LRMDA: variants seen among roughly 807,000 people sequenced by gnomAD.
LRMDA encodes leucine-rich melanocyte differentiation-associated protein.
In LRMDA, 18 loss-of-function variants were observed where a neutral mutation model predicts 29.8. The ratio of observed to expected loss-of-function variants is 0.60; its 90% CI spans 0.42 to 0.90. The LOEUF (loss-of-function observed/expected upper bound fraction) is 0.90. LRMDA is among the 40% of genes least tolerant of loss of function. The pLI, the probability that LRMDA is intolerant of heterozygous loss-of-function variation, is 0.00. For synonymous variants in LRMDA, 125 were observed against 109.4 expected (o/e 1.14, Z -0.89); for missense variants, 273 against 273.9 (o/e 1.00, Z 0.02).
chr10:76,454,999 A>G (rs1047580281), intron 6 of LRMDA, among the ~76,000 whole-genome samples: 3 of 152,206 alleles, frequency 2.0e-5, no homozygotes, highest in Non-Finnish European at 2.9e-5. Flanking sequence ...AGTTTGGAGC[A>G]TGACTTCCTC....
intron 6 of LRMDA, among the ~76,000 whole-genome samples, chr10:76,351,684 C>A (rs368814563): frequency 2.1e-4 from 32 of 151,018 alleles, no homozygotes; most frequent in African/African-American, 7.3e-4. Context: ...CAACAAGCCC[C>A]GGTGATTCTT....
intron 2 of LRMDA, among the ~76,000 whole-genome samples, chr10:75,615,455 C>G (rs1289078884): frequency 2.0e-5 from 3 of 152,076 alleles, no homozygotes; most frequent in African/African-American, 7.2e-5. Context: ...CAAATTGGTG[C>G]TCAAAAATTT....
chr10:76,488,842 C>G (rs1842806994), intron 6 of LRMDA, among the ~76,000 whole-genome samples: 1 of 151,776 alleles, frequency 6.6e-6, no homozygotes, highest in South Asian at 2.1e-4. Context: ...GAGATAGATC[C>G]TATTTGATCA....
At chr10:76,143,797 G>A (rs1175589057) in intron 5 of LRMDA, among the ~76,000 whole-genome samples, 2 of 152,134 alleles carry the variant, frequency 1.3e-5, no homozygotes, top group African/African-American at 4.8e-5. Flanking sequence ...TATTGCCTAG[G>A]TTTTCTTCTA....
intron 6 of LRMDA, among the ~76,000 whole-genome samples, chr10:76,382,524 G>A (rs1249380410): frequency 6.6e-6 from 1 of 152,244 alleles, no homozygotes; most frequent in Non-Finnish European, 1.5e-5. Flanking sequence ...CATTGTGAAT[G>A]AAGGGAGAGG....
At chr10:75,637,626 T>C (rs1283525648) in intron 2 of LRMDA, among the ~76,000 whole-genome samples, 4 of 152,234 alleles carry the variant, frequency 2.6e-5, no homozygotes, top group Non-Finnish European at 1.5e-5. Context: ...TTAGCCTTCC[T>C]TGGAAAATGT....
At chr10:75,517,394 TCTGCTTGAAGAGGTCCTTCA>T in intron 2 of LRMDA, among the ~76,000 whole-genome samples, 1 of 152,298 alleles carries the variant, frequency 6.6e-6, no homozygotes, top group Middle Eastern at 3.4e-3. Context: ...GGTTTGTAGT[TCTGCTTGAAGAGGTCCTTCA>T]CATCTCTTGT....
intron 5 of LRMDA, among the ~76,000 whole-genome samples, chr10:76,227,241 C>T (rs1360737071): frequency 1.3e-5 from 2 of 152,054 alleles, no homozygotes; most frequent in African/African-American, 2.4e-5. Context: ...CAAAGTCTAC[C>T]CAATAAGTAA....
chr10:75,985,260 C>A (rs1847244015), intron 2 of LRMDA, among the ~76,000 whole-genome samples: 1 of 152,184 alleles, frequency 6.6e-6, no homozygotes, highest in South Asian at 2.1e-4. Context: ...GAGATACCAA[C>A]CATGGCATCC....
At chr10:75,440,573 T>C (rs181470425) in intron 2 of LRMDA, among the ~76,000 whole-genome samples, 41 of 152,230 alleles carry the variant, frequency 2.7e-4, no homozygotes, top group Non-Finnish European at 4.9e-4. Flanking sequence ...TGGATCACCT[T>C]TGACCTTCTT....
At chr10:75,850,112 A>G (rs537145545) in intron 2 of LRMDA, among the ~76,000 whole-genome samples, 2 of 152,218 alleles carry the variant, frequency 1.3e-5, no homozygotes, top group Non-Finnish European at 2.9e-5. Context: ...TGGATAGTCT[A>G]TCCAGTTTAA....
At chr10:76,291,210 C>T (rs966381810) in intron 5 of LRMDA, among the ~76,000 whole-genome samples, 1 of 152,160 alleles carries the variant, frequency 6.6e-6, no homozygotes, top group Non-Finnish European at 1.5e-5. Flanking sequence ...GCTGTCTTCA[C>T]CCTCCCTCCT....
intron 2 of LRMDA, among the ~76,000 whole-genome samples, chr10:75,534,129 A>G (rs572479045): frequency 1.3e-5 from 2 of 152,206 alleles, no homozygotes; most frequent in Non-Finnish European, 2.9e-5. Context: ...CACATGTAGC[A>G]TAAGTTAGGT....
chr10:76,036,113 C>T lies in LRMDA; in HGVS notation c.237C>T (p.Thr79=), dbSNP rs755067051. 8.1e-6 allele frequency: 13 copies of T among 1,613,788 alleles called. No individual in the cohort carries two copies. The Admixed American group carries it at 8.3e-5, about 10-fold the overall frequency. The part of the protein sequence containing the change: ...LVLPGLPRLH[T]LTLNKNRITD... The stretch of plus-strand genomic sequence containing the variant: ...TGCCAGGGTTACCCAGACTGCATAC[C>T]TTAACCCTCAACAAGAACCGAATAT... Residue 79 remains threonine, a synonymous_variant, in exon 3 of 7, where the codon ACC becomes ACT. Coordinates refer to ENST00000611255, the MANE Select transcript of LRMDA (RefSeq NM_001305581.2).
intron 6 of LRMDA, among the ~76,000 whole-genome samples, chr10:76,420,106 A>G (rs1049767768): frequency 8.6e-5 from 13 of 151,728 alleles, no homozygotes; most frequent in African/African-American, 1.2e-4. Context: ...TGTTTTTTCT[A>G]TTCTTTGGAA....
intron 2 of LRMDA, among the ~76,000 whole-genome samples, chr10:75,765,834 G>T (rs994411701): frequency 2.7e-5 from 4 of 149,176 alleles, no homozygotes; most frequent in Admixed American, 6.8e-5. Context: ...AGCCGCTGGG[G>T]TGCCCACTGT....
At chr10:76,110,088 T>G (rs534660653) in intron 5 of LRMDA, among the ~76,000 whole-genome samples, 1 of 152,332 alleles carries the variant, frequency 6.6e-6, no homozygotes, top group South Asian at 2.1e-4. Flanking sequence ...CTCTGCCTTC[T>G]TGACATGTCT....
At chr10:76,382,891 C>T (rs976183819) in intron 6 of LRMDA, among the ~76,000 whole-genome samples, 4 of 152,186 alleles carry the variant, frequency 2.6e-5, no homozygotes, top group African/African-American at 9.7e-5. Flanking sequence ...ATCACTCTAC[C>T]CAGACTGTCA....
chr10:75,918,058 T>C (rs1845965138), intron 2 of LRMDA, among the ~76,000 whole-genome samples: 1 of 152,148 alleles, frequency 6.6e-6, no homozygotes, highest in Admixed American at 6.5e-5. Context: ...AGCAGGACTA[T>C]GAGAATCATC....
Sources: gnomAD v4.1 joint callset for allele counts (sites outside exome capture counted in the v4.1 genomes callset) on GRCh38, gnomAD v4.1.1 for gene constraint, MANE v1.5 for transcripts, NCBI Gene and HGNC (gene_info 2026-07-23, HGNC 2026-07-21) for gene names.